Variants in FHIT observed in about 807,000 individuals in gnomAD.
FHIT encodes the protein bis(5'-adenosyl)-triphosphatase.
In FHIT, 19 loss-of-function variants were observed where a neutral mutation model predicts 17.9. That is an observed-to-expected ratio of 1.06 (90% confidence interval 0.74 to 1.56). FHIT has a LOEUF of 1.56. FHIT is among the 40% of genes most tolerant of loss of function. FHIT has a pLI of 0.00. For synonymous variants in FHIT, 81 were observed against 69.7 expected, an observed-to-expected ratio of 1.16 and a Z score of -0.81; for missense variants, 248 against 189.2, an observed-to-expected ratio of 1.31 and a Z score of -1.82.
rs113205137 is a variant in FHIT, at chr3:60,828,842, A to C, written c.-110-6831T>G. On this transcript the variant is annotated intron_variant, in intron 3 of 9. Transcript: ENST00000492590. ...GCAGTGAGCCGAGATGGTGCCACTG[A>C]ACTCCAGCCTGGGCAACAAAAGTGA... Among the ~76,000 whole-genome samples the C allele has an allele frequency of 8.5e-3, 1,293 of 152,172 alleles. 22 individuals carry two copies. The highest frequency in any genetic ancestry group is 0.028 in the African/African-American group (1,184 of 41,548).
At chr3:60,672,300 G>A (rs1396664913) in intron 4 of FHIT, among the ~76,000 whole-genome samples, 4 of 151,294 alleles carry the variant, frequency 2.6e-5, no homozygotes, top group African/African-American at 7.3e-5. Context: ...TCCAAAAAGA[G>A]AGTTAGCGAA....
chr3:60,489,604 C>T (rs1481433922), intron 5 of FHIT, among the ~76,000 whole-genome samples: 2 of 152,168 alleles, frequency 1.3e-5, no homozygotes, highest in African/African-American at 4.8e-5. Flanking sequence ...TGCTACTGCT[C>T]ACTACAATAC....
At chr3:59,813,136 T>A (rs779489843) in intron 8 of FHIT, among the ~76,000 whole-genome samples, 26 of 152,226 alleles carry the variant, frequency 1.7e-4, no homozygotes, top group Non-Finnish European at 2.2e-4. Flanking sequence ...AATTAGTAAT[T>A]ACAATTAATC....
At chr3:60,279,980 G>A (rs192135414) in intron 5 of FHIT, among the ~76,000 whole-genome samples, 37 of 150,554 alleles carry the variant, frequency 2.5e-4, no homozygotes, top group African/African-American at 7.6e-4. Context: ...TGCAGTGAGC[G>A]GAGATCGTGC....
chr3:60,350,970 GAAGT>G (rs1391176227), intron 5 of FHIT, among the ~76,000 whole-genome samples: 1 of 152,114 alleles, frequency 6.6e-6, no homozygotes, highest in Non-Finnish European at 1.5e-5. Flanking sequence ...ACAAAGAAAC[GAAGT>G]CTGTCAACAA....
intron 8 of FHIT, among the ~76,000 whole-genome samples, chr3:59,871,951 G>T (rs1398689909): frequency 6.6e-6 from 1 of 152,248 alleles, no homozygotes; most frequent in South Asian, 2.1e-4. Flanking sequence ...TCTAAACAGC[G>T]GTGATAAATG....
chr3:60,444,124 C>T (rs10243275), intron 5 of FHIT, among the ~76,000 whole-genome samples: 1 of 152,070 alleles, frequency 6.6e-6, no homozygotes, highest in Non-Finnish European at 1.5e-5. Flanking sequence ...CAGAGAAATG[C>T]AAATCAAAAC....
At chr3:61,112,610 A>C (rs2036192151) in intron 2 of FHIT, among the ~76,000 whole-genome samples, 1 of 152,166 alleles carries the variant, frequency 6.6e-6, no homozygotes, top group Admixed American at 6.5e-5. Context: ...GCAGTTCCTA[A>C]TTGAGTAGGA....
chr3:60,233,539 A>C (rs1576346015), intron 5 of FHIT, among the ~76,000 whole-genome samples: 1 of 150,930 alleles, frequency 6.6e-6, no homozygotes, highest in East Asian at 2.0e-4. Context: ...CCTCCTGCCC[A>C]CCCCTCTGCA....
At chr3:59,947,563 G>T (rs1706876158) in intron 7 of FHIT, among the ~76,000 whole-genome samples, 1 of 152,238 alleles carries the variant, frequency 6.6e-6, no homozygotes, top group South Asian at 2.1e-4. Flanking sequence ...TGGTATAAGA[G>T]GTTCAGTTGA....
intron 3 of FHIT, among the ~76,000 whole-genome samples, chr3:61,007,083 T>C (rs1470649981): frequency 6.6e-6 from 1 of 152,218 alleles, no homozygotes. Flanking sequence ...TATATGAAAT[T>C]GTTCATCCAA....
At chr3:60,429,051 C>T (rs977951815) in intron 5 of FHIT, among the ~76,000 whole-genome samples, 1 of 151,962 alleles carries the variant, frequency 6.6e-6, no homozygotes, top group Non-Finnish European at 1.5e-5. Context: ...ACCACCTTAC[C>T]AAAGAGAGGA....
chr3:61,136,248 C>G (rs369010002), intron 2 of FHIT, among the ~76,000 whole-genome samples: 181 of 151,976 alleles, frequency 1.2e-3, no homozygotes, highest in African/African-American at 3.9e-3. Context: ...CCGACCCACC[C>G]GCCACTCCCA....
At chr3:59,960,867 C>A (rs995718366) in intron 7 of FHIT, among the ~76,000 whole-genome samples, 4 of 152,092 alleles carry the variant, frequency 2.6e-5, no homozygotes, top group Non-Finnish European at 5.9e-5. Context: ...GAGAGAGGAC[C>A]AATTACTAGT....
At chr3:61,049,571 G>C (rs1307093569) in intron 2 of FHIT, among the ~76,000 whole-genome samples, 1 of 151,956 alleles carries the variant, frequency 6.6e-6, no homozygotes, top group African/African-American at 2.4e-5. Context: ...TTCACTAAAA[G>C]GACATATATC....
intron 7 of FHIT, among the ~76,000 whole-genome samples, chr3:60,002,239 T>C (rs1699756486): frequency 6.6e-6 from 1 of 152,138 alleles, no homozygotes; most frequent in African/African-American, 2.4e-5. Context: ...TCCAATAATA[T>C]TATCTTTATG....
rs148440202 is a variant in FHIT at position 60,643,796 on chromosome 3, A to T, written c.-17-106817T>A. Among the ~76,000 whole-genome samples the T allele has an allele frequency of 1.0e-3, 154 of 152,346 alleles. 1 individual carries two copies. The highest frequency in any genetic ancestry group is 1.9e-3 in the Non-Finnish European group (131 of 68,040). ...AACCAGAAAGGAACGAATTGGCAGA[A>T]TATATTTCCTTGCCTCCAGAAATAA... On this transcript the variant is annotated intron_variant, in intron 4 of 9. Transcript: ENST00000492590.
At chr3:60,253,706 G>A (rs1705840833) in intron 5 of FHIT, among the ~76,000 whole-genome samples, 1 of 152,158 alleles carries the variant, frequency 6.6e-6, no homozygotes, top group African/African-American at 2.4e-5. Flanking sequence ...AGGAAGGAAG[G>A]AAGTCACAAT....
At chr3:60,889,381 C>A (rs1403042177) in intron 3 of FHIT, among the ~76,000 whole-genome samples, 1 of 152,192 alleles carries the variant, frequency 6.6e-6, no homozygotes, top group East Asian at 1.9e-4. Flanking sequence ...AGTAACTTGC[C>A]TTGCTGAGAA....
Sources: allele counts gnomAD v4.1 joint callset (sites outside exome capture counted in the v4.1 genomes callset), GRCh38; gene constraint gnomAD v4.1.1; transcripts MANE v1.5; gene names NCBI Gene and HGNC (gene_info 2026-07-23, HGNC 2026-07-21).